Variants in ADGRL1 observed in about 807,000 individuals in gnomAD.
ADGRL1 encodes adhesion G protein-coupled receptor L1.
A neutral mutation model predicts 148.9 loss-of-function variants in ADGRL1; 31 were observed. That is an observed-to-expected ratio of 0.21 (90% confidence interval 0.16 to 0.28). The LOEUF is 0.28. ADGRL1 is among the 10% of genes least tolerant of loss of function. The pLI is 1.00. For synonymous variants in ADGRL1, 937 were observed against 900.3 expected (o/e 1.04, Z -0.73); for missense variants, 1,521 against 2,058.8 (o/e 0.74, Z 5.05).
At chr19:14,180,499 G>A (rs1040173047) in intron 2 of ADGRL1, among the ~76,000 whole-genome samples, 11 of 148,602 alleles carry the variant, frequency 7.4e-5, no homozygotes, top group Non-Finnish European at 1.2e-4. Context: ...CAGGTGATCC[G>A]CCCGCCTGAG....
chr19:14,173,764 T>G (rs1465452513), intron 3 of ADGRL1, among the ~76,000 whole-genome samples: 5 of 151,624 alleles, frequency 3.3e-5, no homozygotes, highest in Admixed American at 1.3e-4. Context: ...CTGGCCAACA[T>G]GGTGAAACGT....
chr19:14,179,125 A>T (rs1971016933), intron 2 of ADGRL1, among the ~76,000 whole-genome samples: 1 of 152,106 alleles, frequency 6.6e-6, no homozygotes, highest in African/African-American at 2.4e-5. Context: ...CAGAGATTGC[A>T]GTGAGCCCAG....
intron 1 of ADGRL1, among the ~76,000 whole-genome samples, chr19:14,194,136 C>G (rs565600678): frequency 2.6e-5 from 4 of 152,164 alleles, no homozygotes; most frequent in African/African-American, 9.7e-5. Context: ...CCCAGCTGCT[C>G]GGGAGGCTGA....
At chr19:14,188,933 G>A (rs1446689370) in intron 1 of ADGRL1, among the ~76,000 whole-genome samples, 8 of 151,272 alleles carry the variant, frequency 5.3e-5, no homozygotes, top group Non-Finnish European at 8.8e-5. Context: ...ACCACCACGA[G>A]CAGACACGGG....
chr19:14,173,830 C>T (rs1970637926), intron 3 of ADGRL1, among the ~76,000 whole-genome samples: 1 of 151,590 alleles, frequency 6.6e-6, no homozygotes, highest in African/African-American at 2.4e-5. Context: ...GCTTGTAGTC[C>T]CAGCCACTTG....
chr19:14,153,411 A>ATT (rs36035971), intron 18 of ADGRL1, among the ~76,000 whole-genome samples: 6,142 of 112,216 alleles, frequency 0.055, 602 homozygotes, highest in African/African-American at 0.18. Flanking sequence ...GCAGGTTGTG[A>ATT]TTTTTTTTTT....
Position 14,155,594 on chromosome 19 carries a change from C to T in ADGRL1, c.3126-67G>A. On this transcript the variant is annotated intron_variant, in intron 17 of 22. Coordinates refer to ENST00000361434, the MANE Select transcript of ADGRL1 (RefSeq NM_014921.5). This position sits in a 1 kb window ranked among gnomAD's most constrained non-coding sequence, Gnocchi z 5.0. ...GGGACGGCCTCAGCCCAGGCCTCCC[C>T]TGCAGCCTACAACGGGGGCCCTTGG... 6.5e-7 allele frequency: 1 copy of T among 1,549,602 alleles called. No individual in the cohort carries two copies. Among genetic ancestry groups the T allele is most frequent in the Non-Finnish European group, 8.8e-7 (1 of 1,133,584 alleles).
At chr19:14,194,897 T>C (rs1253564469) in intron 1 of ADGRL1, among the ~76,000 whole-genome samples, 1 of 149,006 alleles carries the variant, frequency 6.7e-6, no homozygotes, top group Non-Finnish European at 1.5e-5. Context: ...TTTTTTTTCC[T>C]TTGAGACAGC....
chr19:14,151,052 G>A lies in ADGRL1; in HGVS notation c.4231C>T (p.Pro1411Ser), dbSNP rs1021613289. 2.0e-6 allele frequency: 3 copies of A among 1,494,282 alleles called. No individual in the cohort carries two copies. Among genetic ancestry groups the A allele is most frequent in the African/African-American group, 2.8e-5 (2 of 71,234 alleles). 92.6% of individuals were successfully genotyped at this position (1,494,282 alleles called of 1,614,324 possible). A position where few individuals can be genotyped will look rare whatever the true frequency, so the allele number is the denominator to read the frequency against. The change falls in exon 23 of 23, where the codon CCC (proline) becomes TCC (serine). Residue 1411 changes from proline (P) to serine (S), a missense_variant. This residue lies in a region of ADGRL1 where 390 missense variants were observed against 375.0 expected (regional missense o/e 1.04). Transcript: ENST00000361434. Reference sequence around the variant, plus strand: ...TAGTAGATTTCGGGGGGGCCGGGGGGTGCGGGAGGGGGTGGGGGCAGGGCC... The same window carrying A: ...TAGTAGATTTCGGGGGGGCCGGGGGATGCGGGAGGGGGTGGGGGCAGGGCC... Reference protein sequence around the residue: ...SEALPPPPPAPPGPPEIYYTS... With the variant: ...SEALPPPPPASPGPPEIYYTS...
In ADGRL1 at chr19:14,158,458, C is replaced by A. The variant is rs562136668; in HGVS notation, c.2244G>T (p.Pro748=). Residue 748 remains proline, a synonymous_variant, in exon 12 of 23, where the codon CCG becomes CCT. Coordinates refer to ENST00000361434, the MANE Select transcript of ADGRL1 (RefSeq NM_014921.5). The part of the protein sequence containing the change: ...ATVKLAGEAG[P]GGPGGASLVV... ...CTAGAGAGGCGCCCCCAGGGCCACC[C>A]GGGCCTGCTTCGCCGGCCAGCTTCA... 4 of 1,613,750 alleles carry A rather than the reference C, an allele frequency of 2.5e-6. No homozygotes were observed. The highest frequency in any genetic ancestry group is 2.7e-5 in the African/African-American group (2 of 74,934).
intron 16 of ADGRL1, 55 bp from the exon 17 acceptor site, chr19:14,156,256 G>A: frequency 7.4e-7 from 1 of 1,358,826 alleles, no homozygotes; most frequent in African/African-American, 1.4e-5. Context: ...CTCCCTCAGT[G>A]AGCACTGAGG....
intron 4 of ADGRL1, among the ~76,000 whole-genome samples, chr19:14,166,433 C>G (rs1237223709): frequency 6.6e-6 from 1 of 152,048 alleles, no homozygotes; most frequent in African/African-American, 2.4e-5. Context: ...CTTAAGCCAC[C>G]AGGAGCCCGA....
At position 14,160,460 on chromosome 19, in the gene ADGRL1, A is replaced by G; in HGVS notation, c.1614+133T>C. ...TCTGTCCCTGCTCCCTTTGTAGGCC[A>G]GGGAGGTGACCCCACAGTCCTGCCT... On this transcript the variant is annotated intron_variant, in intron 7 of 22. Transcript: ENST00000361434. The surrounding 1 kb of genome is among the most constrained non-coding windows in gnomAD (Gnocchi z 5.9). The G allele has an allele frequency of 7.7e-6, 7 of 914,738 alleles. No homozygotes were observed. The highest frequency in any genetic ancestry group is 1.1e-5 in the Non-Finnish European group (7 of 613,522). 56.7% of individuals were successfully genotyped at this position (914,738 alleles called of 1,614,324 possible).
In ADGRL1 at chr19:14,160,665, C is replaced by T. The variant is rs565414527; in HGVS notation, c.1542G>A (p.Leu514=). ...CAGGGCCCCGGGGGTTCCAGAGCCC[C>T]AAGGCTGGTAGACACTGGAAGGAGG... The part of the protein sequence containing the change: ...GIASFQCLPA[L]GLWNPRGPDL... The change falls in exon 7 of 23, where the codon TTG becomes TTA. Residue 514 remains leucine, a synonymous_variant. Transcript: ENST00000361434. The surrounding 1 kb of genome is among the most constrained non-coding windows in gnomAD (Gnocchi z 5.9). 6.2e-7 allele frequency: 1 copy of T among 1,612,884 alleles called. No homozygotes were observed. Among genetic ancestry groups the T allele is most frequent in the African/African-American group, 1.3e-5 (1 of 74,978 alleles).
intron 2 of ADGRL1, among the ~76,000 whole-genome samples, chr19:14,182,583 A>G (rs1303340660): frequency 1.3e-5 from 2 of 151,918 alleles, no homozygotes; most frequent in African/African-American, 2.4e-5. Context: ...CAGCGGGGGG[A>G]ACATTTCACA....
intron 15 of ADGRL1, 97 bp downstream of exon 15, chr19:14,156,828 G>A (rs946829973): frequency 6.6e-7 from 1 of 1,523,578 alleles, no homozygotes; most frequent in East Asian, 2.4e-5. Context: ...GGGATCAGGA[G>A]GAGGAAGGGA....
chr19:14,202,802 C>T (rs1729916475), intron 1 of ADGRL1, among the ~76,000 whole-genome samples: 3 of 152,124 alleles, frequency 2.0e-5, no homozygotes, highest in Admixed American at 2.0e-4. Flanking sequence ...TGCAGCCCTG[C>T]CTCCCCCAGC....
At chr19:14,187,216 G>A (rs1971626938) in intron 1 of ADGRL1, among the ~76,000 whole-genome samples, 1 of 152,158 alleles carries the variant, frequency 6.6e-6, no homozygotes, top group Non-Finnish European at 1.5e-5. Context: ...GCGGGTGCCT[G>A]TAATCCCAGC....
At chr19:14,178,651 G>C (rs761075290) in intron 2 of ADGRL1, among the ~76,000 whole-genome samples, 1 of 152,060 alleles carries the variant, frequency 6.6e-6, no homozygotes, top group Non-Finnish European at 1.5e-5. Context: ...CAAGTAGCTG[G>C]AACTACAGAT....
Sources: gnomAD v4.1 joint callset for allele counts (sites outside exome capture counted in the v4.1 genomes callset) on GRCh38, gnomAD v4.1.1 for gene constraint, gnomAD v4.1.1 regional missense constraint, Gnocchi (gnomAD v3.1) non-coding constraint, MANE v1.5 for transcripts, NCBI Gene and HGNC (gene_info 2026-07-23, HGNC 2026-07-21) for gene names.